Variants in TXNDC8 observed in about 807,000 individuals in gnomAD.
TXNDC8 encodes thioredoxin domain containing 8.
A neutral mutation model predicts 12.9 loss-of-function variants in TXNDC8; 15 were observed. That is an observed-to-expected ratio of 1.16 (90% CI 0.78 to 1.79). The LOEUF (loss-of-function observed/expected upper bound fraction) is 1.79. TXNDC8 is among the 40% of genes most tolerant of loss of function. The pLI is 0.00. For missense variants in TXNDC8, 128 were observed against 113.2 expected, an observed-to-expected ratio of 1.13 and a Z score of -0.59; for synonymous variants, 40 against 35.4, an observed-to-expected ratio of 1.13 and a Z score of -0.46.
At chr9:110,334,785 A>G (rs146326437) in intron 1 of TXNDC8, among the ~76,000 whole-genome samples, 181 of 152,284 alleles carry the variant, frequency 1.2e-3, no homozygotes, top group African/African-American at 4.3e-3. Flanking sequence ...CAGGGTGGAT[A>G]TCTATAATAC....
In TXNDC8 at chr9:110,306,939, A is replaced by ATTAT. The variant is rs563652001; in HGVS notation, c.196-2411_196-2408dup. Among the ~76,000 whole-genome samples, 272 of 151,636 alleles carry ATTAT rather than the reference A, an allele frequency of 1.8e-3. 5 individuals are homozygous for ATTAT. The highest frequency in any genetic ancestry group is 1.9e-3 in the Non-Finnish European group (131 of 67,868). On this transcript the variant is annotated intron_variant, in intron 3 of 4. Coordinates refer to ENST00000423740, the MANE Select transcript of TXNDC8 (RefSeq NM_001286946.2). ...CTATACCCGAAATTTTTTTCCATAT[A>ATTAT]TTATTTATTTATTTATTTTAGAGAT... is the stretch of plus-strand genomic sequence containing the variant.
chr9:110,322,721 A>C (rs1383473816), intron 3 of TXNDC8: 1 of 985,372 alleles, frequency 1.0e-6, no homozygotes, highest in Non-Finnish European at 1.2e-6. Context: ...ACTGAACTGG[A>C]GAGAAACTTG....
At chr9:110,313,086 A>G (rs1285084805) in intron 3 of TXNDC8, among the ~76,000 whole-genome samples, 2 of 152,032 alleles carry the variant, frequency 1.3e-5, no homozygotes, top group East Asian at 3.9e-4. Flanking sequence ...TTGTATTTTT[A>G]GTAGAGACAG....
At chr9:110,324,133 T>A in intron 3 of TXNDC8, 1 of 1,208,620 alleles carries the variant, frequency 8.3e-7, no homozygotes, top group Non-Finnish European at 1.1e-6. Flanking sequence ...AGAGAGTAAC[T>A]GATGGATAGA....
chr9:110,336,632 AAAAACAAAAC>A, intron 1 of TXNDC8, among the ~76,000 whole-genome samples: 1 of 152,222 alleles, frequency 6.6e-6, no homozygotes, highest in South Asian at 2.1e-4. Flanking sequence ...CACTGTGGAC[AAAAACAAAAC>A]AAAACAAAAC....
intron 1 of TXNDC8, among the ~76,000 whole-genome samples, chr9:110,336,534 G>T (rs752508529): frequency 6.6e-6 from 1 of 152,170 alleles, no homozygotes; most frequent in Non-Finnish European, 1.5e-5. Flanking sequence ...ACTATCTGAA[G>T]GGAATACTCT....
chr9:110,322,397 T>A, intron 3 of TXNDC8: 1 of 985,448 alleles, frequency 1.0e-6, no homozygotes, highest in Non-Finnish European at 1.2e-6. Flanking sequence ...ATTTGAGATC[T>A]TTAGTGATCT....
At chr9:110,318,220 A>G (rs571208404) in intron 3 of TXNDC8, among the ~76,000 whole-genome samples, 63 of 152,334 alleles carry the variant, frequency 4.1e-4, no homozygotes, top group African/African-American at 1.5e-3. Flanking sequence ...TCTGACAAGG[A>G]AAGACCTCAG....
intron 2 of TXNDC8, among the ~76,000 whole-genome samples, chr9:110,333,990 G>C (rs1342636765): frequency 6.6e-6 from 1 of 152,070 alleles, no homozygotes; most frequent in Non-Finnish European, 1.5e-5. Flanking sequence ...CACATCTTGG[G>C]ATGTTCTTGC....
At chr9:110,314,725 C>G (rs1474561671) in intron 3 of TXNDC8, among the ~76,000 whole-genome samples, 1 of 152,150 alleles carries the variant, frequency 6.6e-6, no homozygotes, top group Non-Finnish European at 1.5e-5. Context: ...AGCCACCGCG[C>G]CCGGCCAGCA....
downstream of TXNDC8, among the ~76,000 whole-genome samples, chr9:110,301,598 A>C (rs574537982): frequency 1.6e-3 from 240 of 152,272 alleles, no homozygotes; most frequent in African/African-American, 5.6e-3. Context: ...TCAGGAAGGA[A>C]TAGTCTGGCT....
intron 3 of TXNDC8, among the ~76,000 whole-genome samples, chr9:110,310,576 T>C (rs1222068914): frequency 6.6e-6 from 1 of 152,158 alleles, no homozygotes; most frequent in Non-Finnish European, 1.5e-5. Context: ...ATAAAAGAGC[T>C]CTAATTAATT....
chr9:110,312,569 G>T (rs187916977), intron 3 of TXNDC8, among the ~76,000 whole-genome samples: 1 of 152,278 alleles, frequency 6.6e-6, no homozygotes, highest in African/African-American at 2.4e-5. Context: ...GGCATTTGAT[G>T]GTACAAATCC....
In TXNDC8 at chr9:110,337,772, C is replaced by T; in HGVS notation, c.24+1G>A. 1.9e-6 allele frequency: 3 copies of T among 1,613,770 alleles called. No homozygotes were observed. Among genetic ancestry groups the T allele is most frequent in the South Asian group, 1.1e-5 (1 of 91,018 alleles). On this transcript the variant is annotated splice_donor_variant, in intron 1 of 4. Transcript: ENST00000423740. LOFTEE classifies it high-confidence loss of function. ...CTCAGTGAAGCCAAATAAATACTTG[C>T]CGTGTCTTTAATAATCTGTACCATG...
chr9:110,331,006 T>C (rs929351189), intron 2 of TXNDC8, among the ~76,000 whole-genome samples: 4 of 152,216 alleles, frequency 2.6e-5, no homozygotes, highest in African/African-American at 9.6e-5. Flanking sequence ...CTTGAATTCT[T>C]TCCCTCTCTT....
chr9:110,329,664 T>C (rs1296548060), intron 2 of TXNDC8, among the ~76,000 whole-genome samples: 2 of 152,188 alleles, frequency 1.3e-5, no homozygotes, highest in Admixed American at 6.5e-5. Context: ...TCTTCAGTGA[T>C]CTTTGAGATA....
chr9:110,309,210 A>C (rs1183197120), intron 3 of TXNDC8, among the ~76,000 whole-genome samples: 1 of 152,192 alleles, frequency 6.6e-6, no homozygotes, highest in Non-Finnish European at 1.5e-5. Context: ...AAGAGAAACA[A>C]CATTTGCTCC....
chr9:110,305,147 CAA>C (rs769344640), intron 3 of TXNDC8, among the ~76,000 whole-genome samples: 225 of 57,100 alleles, frequency 3.9e-3, no homozygotes, highest in Middle Eastern at 8.6e-3. Context: ...GATTCTGTCT[CAA>C]AAAAAAAAAA....
intron 3 of TXNDC8, among the ~76,000 whole-genome samples, chr9:110,311,695 T>TACAC (rs1554702102): frequency 7.4e-6 from 1 of 134,794 alleles, no homozygotes; most frequent in Admixed American, 7.8e-5. Context: ...TATATATATA[T>TACAC]ACATGGATAT....
Sources: allele counts gnomAD v4.1 joint callset (sites outside exome capture counted in the v4.1 genomes callset), GRCh38; gene constraint gnomAD v4.1.1; transcripts MANE v1.5; gene names NCBI Gene and HGNC (gene_info 2026-07-23, HGNC 2026-07-21).